The following SLC38A8 variants were observed in gnomAD, a reference collection of about 807,000 sequenced individuals.
SLC38A8 encodes the protein solute carrier family 38 member 8, also known as amino acid transporter SLC38A8.
SLC38A8 carries 65 observed loss-of-function variants against 46.0 expected under a neutral mutation model. That is an observed-to-expected ratio of 1.41 (90% confidence interval 1.16 to 1.74). SLC38A8 has a LOEUF of 1.74. Among genes scored for constraint, SLC38A8 ranks in the 40% most tolerant of loss-of-function variants. The pLI, the probability that SLC38A8 is intolerant of heterozygous loss-of-function variation, is 0.00. For synonymous variants in SLC38A8, 447 were observed against 243.7 expected (o/e 1.83, Z -7.77); for missense variants, 998 against 567.9 (o/e 1.76, Z -7.70).
In SLC38A8 at chr16:84,009,766, C is replaced by T. The variant is rs757034002; in HGVS notation, c.*18G>A. On this transcript the variant is annotated 3_prime_UTR_variant, in exon 11 of 11. Coordinates refer to ENST00000299709, the MANE Select transcript of SLC38A8 (RefSeq NM_001080442.3). ...TCAGCCCCCGGAGGGCCCCTTCCTG[C>T]CCGGCACTAGCTGCCCATCAGAACA... 3.1e-6 allele frequency: 5 copies of T among 1,610,550 alleles called. No individual in the cohort carries two copies. Among genetic ancestry groups the T allele is most frequent in the Non-Finnish European group, 4.2e-6 (5 of 1,178,418 alleles).
Position 84,013,004 on chromosome 16 carries a change from A to C in SLC38A8, c.1211T>G (p.Val404Gly). 6.2e-7 allele frequency: 1 copy of C among 1,613,778 alleles called. No homozygotes were observed. Among genetic ancestry groups the C allele is most frequent in the Non-Finnish European group, 8.5e-7 (1 of 1,179,892 alleles). The change falls in exon 10 of 11, where the codon GTC becomes GGC. Residue 404 changes from valine (V) to glycine (G), a missense_variant. Transcript: ENST00000299709. The part of the protein sequence containing the change: ...AMGVEPIGPR[V>G]KCCLEVWGVV... Reference sequence around the variant, plus strand: ...ACCTCATCTTAGGGACACTTACTTGACTCTTGGTCCTATAGGCTCGACACC... The same window carrying C: ...ACCTCATCTTAGGGACACTTACTTGCCTCTTGGTCCTATAGGCTCGACACC...
In SLC38A8 at chr16:84,032,381, G is replaced by A. The variant is rs143274510; in HGVS notation, c.531-413C>T. Among the ~76,000 whole-genome samples, 48 of 152,310 alleles carry A rather than the reference G, an allele frequency of 3.2e-4. 2 individuals are homozygous for A. In the East Asian group the frequency reaches 7.9e-3, roughly 25 times the overall value. ...TTTTTGTACTTTTAGTAGAGACAGGGTTTCACCGTGTTGGTCAGGCTGGTT... is the reference window on the plus strand; with the variant it reads ...TTTTTGTACTTTTAGTAGAGACAGGATTTCACCGTGTTGGTCAGGCTGGTT... On this transcript the variant is annotated intron_variant, in intron 4 of 10. Coordinates refer to ENST00000299709, the MANE Select transcript of SLC38A8 (RefSeq NM_001080442.3).
At chr16:84,036,563 A>G in intron 3 of SLC38A8, 139 bp downstream of exon 3, 1 of 939,610 alleles carries the variant, frequency 1.1e-6, no homozygotes, top group Non-Finnish European at 1.6e-6. Flanking sequence ...CTACCATGTT[A>G]GGAACAAGAG....
intron 4 of SLC38A8, 110 bp from the exon 5 acceptor site, chr16:84,032,078 G>C: frequency 3.3e-6 from 3 of 920,838 alleles, no homozygotes; most frequent in Non-Finnish European, 5.1e-6. Context: ...ATGAGGTGCT[G>C]GCCAAGCTGT....
intron 1 of SLC38A8, 106 bp downstream of exon 1, chr16:84,042,445 C>T (rs1204285526): frequency 1.8e-5 from 6 of 327,496 alleles, no homozygotes; most frequent in Non-Finnish European, 2.8e-5. Flanking sequence ...TCCCAAACCC[C>T]CAACCTTCCT....
At chr16:84,014,105 A>G (rs1016534821) in intron 9 of SLC38A8, among the ~76,000 whole-genome samples, 1 of 151,204 alleles carries the variant, frequency 6.6e-6, no homozygotes, top group African/African-American at 2.4e-5. Context: ...ATGCATGGCC[A>G]CACCCCTCAC....
At chr16:84,021,159 T>C (rs2085090192) in intron 7 of SLC38A8, among the ~76,000 whole-genome samples, 2 of 152,116 alleles carry the variant, frequency 1.3e-5, no homozygotes, top group East Asian at 3.8e-4. Flanking sequence ...AGCTCCCAGG[T>C]TCAATTGATA....
Position 84,036,714 on chromosome 16 carries a change from G to C in SLC38A8, c.376C>G (p.Gln126Glu), listed in dbSNP as rs376202263. The change falls in exon 3 of 11, where the codon CAG (glutamine) becomes GAG (glutamate). Residue 126 changes from glutamine to glutamate, a missense_variant. Transcript: ENST00000299709. ...SVAFLRVIGD[Q>E]LEKLCDSLLS... is the part of the protein sequence containing the mutation. ...TGAAGGTACTTACGCTTCTCCAGCT[G>C]GTCCCCGATCACCCTGAGGAAGGCC... The C allele has an allele frequency of 1.2e-6, 2 of 1,614,164 alleles. No homozygotes were observed. The highest frequency in any genetic ancestry group is 4.5e-5 in the East Asian group (2 of 44,864).
chr16:84,012,005 C>T (rs1055096881), intron 10 of SLC38A8, among the ~76,000 whole-genome samples: 1 of 152,172 alleles, frequency 6.6e-6, no homozygotes, highest in African/African-American at 2.4e-5. Flanking sequence ...CACCTGGGGC[C>T]ACCAGAAGCT....
intron 3 of SLC38A8, 26 bp from the exon 4 acceptor site, chr16:84,033,495 G>C (rs746203747): frequency 6.4e-7 from 1 of 1,571,908 alleles, no homozygotes; most frequent in African/African-American, 1.4e-5. Context: ...GGAGAGCTGA[G>C]CCACAGAGTA....
chr16:84,022,403 G>A (rs757227573), intron 7 of SLC38A8, among the ~76,000 whole-genome samples: 3 of 152,168 alleles, frequency 2.0e-5, no homozygotes, highest in Non-Finnish European at 4.4e-5. Context: ...ACCCACAAAC[G>A]TTTTGTAAAC....
rs1323545471 is a variant in SLC38A8 at position 84,017,120 on chromosome 16, C to A, written c.953+20G>T. On this transcript the variant is annotated intron_variant, in intron 8 of 10. Transcript: ENST00000299709. ...CAGCAGACCATGCTTCACGGTGCCCCCCACTGAGCCAGGCCTCACCTCCCC... is the reference window on the plus strand; with the variant it reads ...CAGCAGACCATGCTTCACGGTGCCCACCACTGAGCCAGGCCTCACCTCCCC... The A allele has an allele frequency of 1.9e-6, 3 of 1,613,434 alleles. No individual in the cohort carries two copies. Among genetic ancestry groups the A allele is most frequent in the Non-Finnish European group, 2.5e-6 (3 of 1,179,758 alleles).
At chr16:84,018,759 T>A (rs1342396563) in intron 7 of SLC38A8, among the ~76,000 whole-genome samples, 5 of 152,126 alleles carry the variant, frequency 3.3e-5, no homozygotes, top group Non-Finnish European at 7.4e-5. Context: ...GCGGCCGAAA[T>A]GAGATGCTTT....
At chr16:84,019,439 C>T (rs991300460) in intron 7 of SLC38A8, among the ~76,000 whole-genome samples, 2 of 152,164 alleles carry the variant, frequency 1.3e-5, no homozygotes, top group East Asian at 3.9e-4. Flanking sequence ...GTGCATCCTT[C>T]AACCCTTCAC....
chr16:84,011,219 G>T (rs73240227), intron 10 of SLC38A8, among the ~76,000 whole-genome samples: 1,627 of 152,252 alleles, frequency 0.011, 25 homozygotes, highest in African/African-American at 0.036. Context: ...TGTATTAGAA[G>T]GACCCAAAGC....
intron 7 of SLC38A8, among the ~76,000 whole-genome samples, chr16:84,020,738 T>G (rs1455766347): frequency 6.6e-5 from 10 of 152,204 alleles, no homozygotes; most frequent in Admixed American, 6.5e-4. Flanking sequence ...GAGCCTGTGA[T>G]GGGAGGGGCA....
rs371855940 is a variant in SLC38A8 at position 84,036,904 on chromosome 16, C to T, written c.190-4G>A. 248 of 1,608,262 alleles carry T rather than the reference C, an allele frequency of 1.5e-4. No homozygotes were observed. Among genetic ancestry groups the T allele is most frequent in the Admixed American group, 7.2e-4 (43 of 59,490 alleles). ...TGATCAGGAAGACCAACGAGACCTG[C>T]GGAGAAGGAGCAGGACCTGGAACTG... On this transcript the variant is annotated splice_polypyrimidine_tract_variant and splice_region_variant and intron_variant, in intron 2 of 10. Transcript: ENST00000299709.
intron 5 of SLC38A8, among the ~76,000 whole-genome samples, 169 bp downstream of exon 5, chr16:84,031,696 AGG>A (rs1221935280): frequency 6.9e-6 from 1 of 145,376 alleles, no homozygotes; most frequent in Non-Finnish European, 1.5e-5. Flanking sequence ...CTGCAGCAGA[AGG>A]AGAGTGGCCC....
At position 84,012,891 on chromosome 16, in the gene SLC38A8, T is replaced by G. The variant is rs2084970658; in HGVS notation, c.1214+110A>C. 7 of 1,223,488 alleles carry G rather than the reference T, an allele frequency of 5.7e-6. No individual in the cohort carries two copies. In the South Asian group the frequency reaches 9.6e-5, roughly 17 times the overall value. The allele number at this position is 1,223,488 out of a possible 1,614,324, so 75.8% of individuals were successfully genotyped here. The stretch of plus-strand genomic sequence containing the variant: ...TCTCTTCCTGTGGCTCGCAGGTTTC[T>G]CACCTGCAGGATGCAGAGGATGAGA... On this transcript the variant is annotated intron_variant, in intron 10 of 10. Transcript: ENST00000299709.
Sources: allele counts gnomAD v4.1 joint callset (sites outside exome capture counted in the v4.1 genomes callset), GRCh38; gene constraint gnomAD v4.1.1; transcripts MANE v1.5; gene names NCBI Gene and HGNC (gene_info 2026-07-23, HGNC 2026-07-21).